Variants in GALNT18 observed in about 807,000 individuals in gnomAD.
The protein encoded by GALNT18 is polypeptide N-acetylgalactosaminyltransferase 18, also known as GalNAc-transferase 18.
In GALNT18, 44 loss-of-function variants were observed where a neutral mutation model predicts 69.5. The ratio of observed to expected loss-of-function variants is 0.63; its 90% confidence interval spans 0.50 to 0.81. The LOEUF (loss-of-function observed/expected upper bound fraction) is 0.81. Among genes scored for constraint, GALNT18 ranks in the 40% least tolerant of loss-of-function variants. GALNT18 has a pLI of 0.00. For missense variants in GALNT18, 715 were observed against 810.0 expected, an observed-to-expected ratio of 0.88 and a Z score of 1.42; for synonymous variants, 364 against 318.2, an observed-to-expected ratio of 1.14 and a Z score of -1.53.
chr11:11,448,438 T>A (rs545020327), intron 2 of GALNT18, among the ~76,000 whole-genome samples: 1 of 152,258 alleles, frequency 6.6e-6, no homozygotes, highest in Non-Finnish European at 1.5e-5. Flanking sequence ...ATGCAACTAA[T>A]TGGGTTAAAA....
At chr11:11,271,376 G>T in intron 10 of GALNT18, 86 bp from the exon 11 acceptor site, 1 of 1,400,120 alleles carries the variant, frequency 7.1e-7, no homozygotes, top group Non-Finnish European at 1.0e-6. Flanking sequence ...GGCTGGTGAG[G>T]GCTGACATTA....
At chr11:11,330,074 C>T (rs1024349351) in intron 8 of GALNT18, among the ~76,000 whole-genome samples, 2 of 152,196 alleles carry the variant, frequency 1.3e-5, no homozygotes, top group Non-Finnish European at 2.9e-5. Context: ...TACCCCATCT[C>T]CTGGACATGA....
chr11:11,448,328 G>A lies in GALNT18; in HGVS notation c.428+416C>T, dbSNP rs973896009. Among the ~76,000 whole-genome samples the A allele has an allele frequency of 2.0e-5, 3 of 152,184 alleles. No homozygotes were observed. In the South Asian group the frequency reaches 6.2e-4, roughly 31 times the overall value. On this transcript the variant is annotated intron_variant, in intron 2 of 10. Coordinates refer to ENST00000227756, the MANE Select transcript of GALNT18 (RefSeq NM_198516.3). The stretch of plus-strand genomic sequence containing the variant: ...GGAACATCCTTCTGTAACAAAGAGA[G>A]AAGTCAAGACAGACTTCTCTGTCAG...
At chr11:11,385,125 G>A (rs1287633235) in intron 3 of GALNT18, among the ~76,000 whole-genome samples, 1 of 152,076 alleles carries the variant, frequency 6.6e-6, no homozygotes, top group Non-Finnish European at 1.5e-5. Context: ...AGGGAGGCAA[G>A]AGAGAGTGGG....
intron 1 of GALNT18, among the ~76,000 whole-genome samples, chr11:11,610,187 C>T (rs1189058652): frequency 8.5e-5 from 13 of 152,204 alleles, no homozygotes; most frequent in Admixed American, 7.2e-4. Context: ...CCAGTCTCAA[C>T]GTTTCTGCTA....
intron 3 of GALNT18, among the ~76,000 whole-genome samples, chr11:11,390,656 A>G (rs1349997829): frequency 3.9e-5 from 6 of 152,196 alleles, no homozygotes; most frequent in African/African-American, 7.2e-5. Flanking sequence ...TGATCTTGTC[A>G]GTGGGGAGGT....
chr11:11,554,024 C>T (rs1421315650), intron 1 of GALNT18, among the ~76,000 whole-genome samples: 1 of 152,172 alleles, frequency 6.6e-6, no homozygotes, highest in Non-Finnish European at 1.5e-5. Context: ...CGCAGCACTT[C>T]GTAACTACAA....
rs148758075 is a variant in GALNT18, at chr11:11,511,014, G to A, written c.236-62078C>T. On this transcript the variant is annotated intron_variant, in intron 1 of 10. Coordinates refer to ENST00000227756, the MANE Select transcript of GALNT18 (RefSeq NM_198516.3). The surrounding 1 kb of genome is among the most constrained non-coding windows in gnomAD (Gnocchi z 4.9). Reference sequence around the variant, plus strand: ...GACACAACCGGCACTCTTTCCTCTCGGCGGGGCGTGCAGCTGGTACCGCCT... The same window carrying A: ...GACACAACCGGCACTCTTTCCTCTCAGCGGGGCGTGCAGCTGGTACCGCCT... Among the ~76,000 whole-genome samples, 108 of 152,116 alleles carry A rather than the reference G, an allele frequency of 7.1e-4. No individual in the cohort carries two copies. Among genetic ancestry groups the A allele is most frequent in the African/African-American group, 2.4e-3 (98 of 41,492 alleles).
At chr11:11,569,247 GAA>G (rs11426572) in intron 1 of GALNT18, among the ~76,000 whole-genome samples, 71 of 136,098 alleles carry the variant, frequency 5.2e-4, no homozygotes, top group Admixed American at 8.1e-4. Flanking sequence ...AGGCTGAAGG[GAA>G]AAAAAAAAAA....
intron 1 of GALNT18, among the ~76,000 whole-genome samples, chr11:11,579,621 G>A (rs1859024033): frequency 1.3e-5 from 2 of 152,168 alleles, no homozygotes; most frequent in African/African-American, 4.8e-5. Flanking sequence ...CCTGGGCTTT[G>A]GGACTGACAC....
Position 11,377,151 on chromosome 11 carries a change from G to T in GALNT18, c.977+31C>A. The T allele has an allele frequency of 6.2e-7, 1 of 1,604,268 alleles. No homozygotes were observed. Among genetic ancestry groups the T allele is most frequent in the Non-Finnish European group, 8.5e-7 (1 of 1,173,438 alleles). On this transcript the variant is annotated intron_variant, in intron 5 of 10. Transcript: ENST00000227756. This position sits in a 1 kb window ranked among gnomAD's most constrained non-coding sequence, Gnocchi z 4.6. Reference sequence around the variant, plus strand: ...CGGTCCCTAGCCTGGAGGTCAAAGCGGAGAGACCCACAGGTAAAGGTTTGC... The same window carrying T: ...CGGTCCCTAGCCTGGAGGTCAAAGCTGAGAGACCCACAGGTAAAGGTTTGC...
chr11:11,279,599 C>CAATAAG lies in GALNT18; in HGVS notation c.1678-8310_1678-8309insCTTATT, dbSNP rs112718890. 2.9e-3 allele frequency among the ~76,000 whole-genome samples: 436 copies of CAATAAG among 151,588 alleles called. 5 individuals are homozygous for CAATAAG. Among genetic ancestry groups the CAATAAG allele is most frequent in the African/African-American group, 9.8e-3 (407 of 41,366 alleles). ...TAGCAACAAAAACTATAGCTATACT[C>CAATAAG]GATAAATCTCACCAATACAATGTCG... On this transcript the variant is annotated intron_variant, in intron 10 of 10. Coordinates refer to ENST00000227756, the MANE Select transcript of GALNT18 (RefSeq NM_198516.3).
chr11:11,511,036 G>A lies in GALNT18; in HGVS notation c.236-62100C>T, dbSNP rs915844265. 5.3e-5 allele frequency among the ~76,000 whole-genome samples: 8 copies of A among 152,084 alleles called. No homozygotes were observed. In the East Asian group the frequency reaches 1.4e-3, roughly 26 times the overall value. ...CTCGGCGGGGCGTGCAGCTGGTACCGCCTTCCACTTGACTCCTGACAAAGA... is the reference window on the plus strand; with the variant it reads ...CTCGGCGGGGCGTGCAGCTGGTACCACCTTCCACTTGACTCCTGACAAAGA... On this transcript the variant is annotated intron_variant, in intron 1 of 10. Transcript: ENST00000227756. The surrounding 1 kb of genome is among the most constrained non-coding windows in gnomAD (Gnocchi z 4.9).
At chr11:11,506,601 G>A (rs527445575) in intron 1 of GALNT18, among the ~76,000 whole-genome samples, 11 of 152,290 alleles carry the variant, frequency 7.2e-5, no homozygotes, top group African/African-American at 2.4e-4. Context: ...ATTGATTCCC[G>A]TCATTGCTAT....
chr11:11,539,517 C>A (rs111768880), intron 1 of GALNT18, among the ~76,000 whole-genome samples: 1 of 152,128 alleles, frequency 6.6e-6, no homozygotes, highest in Non-Finnish European at 1.5e-5. Flanking sequence ...ACTATAGACA[C>A]GAGCCAAACC....
intron 3 of GALNT18, among the ~76,000 whole-genome samples, chr11:11,398,101 C>T (rs1854376675): frequency 1.3e-5 from 2 of 152,202 alleles, no homozygotes; most frequent in Non-Finnish European, 2.9e-5. Flanking sequence ...CTGAGAGGAG[C>T]TTTTGGTATT....
At chr11:11,545,313 T>C (rs942644504) in intron 1 of GALNT18, among the ~76,000 whole-genome samples, 1 of 152,190 alleles carries the variant, frequency 6.6e-6, no homozygotes. Flanking sequence ...AAACCAGTCT[T>C]AGCCTAAACA....
chr11:11,414,760 G>A (rs138164741), intron 3 of GALNT18, among the ~76,000 whole-genome samples: 9 of 152,286 alleles, frequency 5.9e-5, no homozygotes, highest in African/African-American at 1.7e-4. Flanking sequence ...CCTTGCACAC[G>A]GTTAGTGATG....
intron 1 of GALNT18, among the ~76,000 whole-genome samples, chr11:11,464,940 T>G (rs1451932871): frequency 6.6e-6 from 1 of 152,190 alleles, no homozygotes; most frequent in Non-Finnish European, 1.5e-5. Context: ...CCGGCTGTTG[T>G]TACTATTATT....
Sources: allele counts gnomAD v4.1 joint callset (sites outside exome capture counted in the v4.1 genomes callset), GRCh38; gene constraint gnomAD v4.1.1; non-coding constraint Gnocchi (gnomAD v3.1); transcripts MANE v1.5; gene names NCBI Gene and HGNC (gene_info 2026-07-23, HGNC 2026-07-21).